RAB6B: variants seen among roughly 807,000 people sequenced by gnomAD.
RAB6B encodes ras-related protein Rab-6B.
In RAB6B, 7 loss-of-function variants were observed where a neutral mutation model predicts 31.2. The observed-to-expected ratio is 0.22, with a 90% CI of 0.13 to 0.42. The LOEUF (loss-of-function observed/expected upper bound fraction) is 0.42, where lower values mean the gene tolerates loss of function less well. Ranked by LOEUF, RAB6B falls within the 10% of genes least tolerant of loss-of-function variation. RAB6B has a pLI of 1.00. For missense variants in RAB6B, 149 were observed against 280.6 expected (o/e 0.53, Z 3.35); for synonymous variants, 105 against 104.9 (o/e 1.00, Z -0.01).
At chr3:133,892,885 G>A (rs924052658) in intron 1 of RAB6B, among the ~76,000 whole-genome samples, 1 of 152,232 alleles carries the variant, frequency 6.6e-6, no homozygotes, top group African/African-American at 2.4e-5. Flanking sequence ...GGTAGAAGAA[G>A]CGGCTGTGGA....
At chr3:133,848,184 T>C (rs1935932496) in intron 2 of RAB6B, among the ~76,000 whole-genome samples, 1 of 152,240 alleles carries the variant, frequency 6.6e-6, no homozygotes, top group Non-Finnish European at 1.5e-5. Flanking sequence ...TTTCAATAAA[T>C]GGCACCTTGA....
At chr3:133,838,286 C>T (rs1430955380) in intron 5 of RAB6B, 27 bp from the exon 6 acceptor site, 1 of 1,597,516 alleles carries the variant, frequency 6.3e-7, no homozygotes, top group Non-Finnish European at 8.6e-7. Context: ...GGGGGGAAAT[C>T]AGCTCAGCAG....
At chr3:133,868,953 C>T (rs181817685) in intron 1 of RAB6B, among the ~76,000 whole-genome samples, 5 of 152,248 alleles carry the variant, frequency 3.3e-5, no homozygotes, top group Admixed American at 3.3e-4. Flanking sequence ...CAGATTTGAG[C>T]CAGAGTCGAT....
chr3:133,842,444 G>C (rs1935849672), intron 2 of RAB6B, among the ~76,000 whole-genome samples: 1 of 152,350 alleles, frequency 6.6e-6, no homozygotes, highest in Middle Eastern at 3.4e-3. Context: ...TGCTGTCAAT[G>C]TAAAATGGAG....
rs116155801 is a variant in RAB6B at position 133,835,990 on chromosome 3, C to T, written c.496-1349G>A. Reference sequence around the variant, plus strand: ...GAAAGGACTAACCCAGGAGCACTCCCGCTGTCCTCACAAATGTGAATTGCA... The same window carrying T: ...GAAAGGACTAACCCAGGAGCACTCCTGCTGTCCTCACAAATGTGAATTGCA... On this transcript the variant is annotated intron_variant, in intron 6 of 7. Transcript: ENST00000285208. 8.0e-3 allele frequency among the ~76,000 whole-genome samples: 1,224 copies of T among 152,326 alleles called. 17 individuals carry two copies. The highest frequency in any genetic ancestry group is 0.028 in the African/African-American group (1,147 of 41,568).
intron 2 of RAB6B, among the ~76,000 whole-genome samples, chr3:133,864,126 G>C (rs1290247743): frequency 1.3e-5 from 2 of 149,390 alleles, no homozygotes; most frequent in Non-Finnish European, 3.0e-5. Context: ...AACCGTGTGT[G>C]TGTGTGTGCG....
rs944113398 is a variant in RAB6B at position 133,895,649 on chromosome 3, C to CGGAGGA, written c.-189_-184dup. On this transcript the variant is annotated 5_prime_UTR_variant, in exon 1 of 8. Transcript: ENST00000285208. Reference sequence around the variant, plus strand: ...CGGCCTGCGGCTGCGTGTCCGGCGGCGGAGGAGGAGGAGGAGAGAGAGGCG... The same window carrying CGGAGGA: ...CGGCCTGCGGCTGCGTGTCCGGCGGCGGAGGAGGAGGAGGAGGAGGAGAGAGAGGCG... 6.8e-6 allele frequency: 4 copies of CGGAGGA among 588,542 alleles called. No individual in the cohort carries two copies. Among genetic ancestry groups the CGGAGGA allele is most frequent in the African/African-American group, 1.9e-5 (1 of 52,154 alleles). 36.5% of individuals were successfully genotyped at this position (588,542 alleles called of 1,614,324 possible).
chr3:133,837,572 G>C, intron 6 of RAB6B, among the ~76,000 whole-genome samples: 1 of 152,176 alleles, frequency 6.6e-6, no homozygotes, highest in East Asian at 1.9e-4. Flanking sequence ...GGTTAGTGAA[G>C]ATAAAGGTGC....
chr3:133,866,913 AG>A (rs1310664473), intron 1 of RAB6B, among the ~76,000 whole-genome samples: 1 of 152,258 alleles, frequency 6.6e-6, no homozygotes, highest in Non-Finnish European at 1.5e-5. Context: ...CTTGCACCTT[AG>A]GGAAAGGTGC....
chr3:133,857,881 C>T (rs1052607698), intron 2 of RAB6B, among the ~76,000 whole-genome samples: 6 of 152,154 alleles, frequency 3.9e-5, no homozygotes, highest in African/African-American at 1.4e-4. Context: ...CTTCCACTTC[C>T]TGTGCCATCT....
chr3:133,867,556 C>T (rs1936254860), intron 1 of RAB6B, among the ~76,000 whole-genome samples: 1 of 152,182 alleles, frequency 6.6e-6, no homozygotes, highest in South Asian at 2.1e-4. Context: ...CAGTTCTTAT[C>T]CGGGTACTCC....
intron 2 of RAB6B, among the ~76,000 whole-genome samples, chr3:133,863,414 C>T (rs1936191282): frequency 6.6e-6 from 1 of 152,198 alleles, no homozygotes; most frequent in South Asian, 2.1e-4. Flanking sequence ...GTGAGCTGTG[C>T]TCCACATACT....
At chr3:133,878,156 C>G (rs1022575041) in intron 1 of RAB6B, among the ~76,000 whole-genome samples, 2 of 151,974 alleles carry the variant, frequency 1.3e-5, no homozygotes, top group Non-Finnish European at 1.5e-5. Flanking sequence ...TGAAAATACT[C>G]CAAAATTAAA....
chr3:133,846,440 C>A (rs576521047), intron 2 of RAB6B, among the ~76,000 whole-genome samples: 1 of 152,274 alleles, frequency 6.6e-6, no homozygotes, highest in Non-Finnish European at 1.5e-5. Flanking sequence ...GAGTGAGACT[C>A]TGTCTCCCAA....
chr3:133,832,091 T>C (rs1465293186), intron 7 of RAB6B, among the ~76,000 whole-genome samples: 2 of 152,280 alleles, frequency 1.3e-5, no homozygotes, highest in East Asian at 3.9e-4. Flanking sequence ...CTCACCTGCT[T>C]AGAGCCACTT....
At chr3:133,872,507 T>A (rs1936340780) in intron 1 of RAB6B, among the ~76,000 whole-genome samples, 1 of 152,204 alleles carries the variant, frequency 6.6e-6, no homozygotes, top group Non-Finnish European at 1.5e-5. Context: ...ACCAGCTATA[T>A]CCATCTGAAC....
At chr3:133,841,241 AC>A in intron 4 of RAB6B, 43 bp downstream of exon 4, 9 of 1,593,466 alleles carry the variant, frequency 5.6e-6, no homozygotes, top group Non-Finnish European at 7.7e-6. Context: ...TGGGCCCTGG[AC>A]CCCCTATGAG....
Position 133,853,980 on chromosome 3 carries a change from G to A in RAB6B, c.129+10604C>T, listed in dbSNP as rs144825534. On this transcript the variant is annotated intron_variant, in intron 2 of 7. Transcript: ENST00000285208. The stretch of plus-strand genomic sequence containing the variant: ...AACACAGCCCCATGAGACCATCTTT[G>A]GAACAAAAGTAAATGGTGATCAAGT... Among the ~76,000 whole-genome samples, 341 of 152,238 alleles carry A rather than the reference G, an allele frequency of 2.2e-3. 2 individuals carry two copies. The highest frequency in any genetic ancestry group is 7.9e-3 in the African/African-American group (327 of 41,542).
At chr3:133,873,482 G>T (rs1364914050) in intron 1 of RAB6B, among the ~76,000 whole-genome samples, 1 of 152,134 alleles carries the variant, frequency 6.6e-6, no homozygotes, top group Non-Finnish European at 1.5e-5. Flanking sequence ...CAGCACAGCT[G>T]GGCTGGGAGA....
Sources: gnomAD v4.1 joint callset for allele counts (sites outside exome capture counted in the v4.1 genomes callset) on GRCh38, gnomAD v4.1.1 for gene constraint, MANE v1.5 for transcripts, NCBI Gene and HGNC (gene_info 2026-07-23, HGNC 2026-07-21) for gene names.